Variants in SPATS2L observed in about 807,000 individuals in gnomAD.
SPATS2L encodes the protein SPATS2-like protein.
SPATS2L carries 30 observed loss-of-function variants against 59.6 expected under a neutral mutation model. The ratio of observed to expected loss-of-function variants is 0.50; its 90% confidence interval spans 0.38 to 0.68. SPATS2L has a LOEUF of 0.68. SPATS2L is among the 30% of genes least tolerant of loss of function. The probability of loss-of-function intolerance (pLI) is 0.00; values close to 1 mark genes in which losing one functional copy is unlikely to be tolerated. For missense variants in SPATS2L, 615 were observed against 700.0 expected, an observed-to-expected ratio of 0.88 and a Z score of 1.37; for synonymous variants, 252 against 263.5, an observed-to-expected ratio of 0.96 and a Z score of 0.42.
rs143951633 is a variant in SPATS2L at position 200,369,694 on chromosome 2, A to G, written c.-22-19529A>G. 2.0e-5 allele frequency among the ~76,000 whole-genome samples: 3 copies of G among 152,282 alleles called. No homozygotes were observed. The East Asian group carries it at 5.8e-4, about 29-fold the overall frequency. On this transcript the variant is annotated intron_variant, in intron 2 of 12. Coordinates refer to ENST00000409140, the MANE Select transcript of SPATS2L (RefSeq NM_001100423.2). Reference sequence around the variant, plus strand: ...CCAAAGACATAAAAAGCTGGTAAGAAACAATCCTACAGAAAATAATGGTGA... The same window carrying G: ...CCAAAGACATAAAAAGCTGGTAAGAGACAATCCTACAGAAAATAATGGTGA...
chr2:200,437,558 T>G (rs1215557173), intron 6 of SPATS2L, among the ~76,000 whole-genome samples: 1 of 152,204 alleles, frequency 6.6e-6, no homozygotes, highest in Non-Finnish European at 1.5e-5. Context: ...TCTACCTTAA[T>G]ATCACTAAGG....
At chr2:200,368,317 T>C (rs35417285) in intron 2 of SPATS2L, among the ~76,000 whole-genome samples, 51,940 of 152,058 alleles carry the variant, frequency 0.34, 9,644 homozygotes, top group Middle Eastern at 0.52. Context: ...ATATTGGGCA[T>C]TGGTATAATT....
chr2:200,379,688 G>T (rs2081733614), intron 2 of SPATS2L, among the ~76,000 whole-genome samples: 2 of 152,018 alleles, frequency 1.3e-5, no homozygotes, highest in Non-Finnish European at 2.9e-5. Context: ...CCAGCGGGTG[G>T]TGGGGGGGAT....
At chr2:200,366,126 T>C (rs2081261308) in intron 2 of SPATS2L, among the ~76,000 whole-genome samples, 1 of 152,194 alleles carries the variant, frequency 6.6e-6, no homozygotes, top group Non-Finnish European at 1.5e-5. Context: ...CATGAACATA[T>C]TGGGATTCTA....
rs139549853 is a variant in SPATS2L at position 200,401,005 on chromosome 2, G to A, written c.40-11306G>A. 6.5e-4 allele frequency among the ~76,000 whole-genome samples: 99 copies of A among 152,288 alleles called. No homozygotes were observed. The East Asian group carries it at 0.019, about 28-fold the overall frequency. ...TCCCCTTAAAACTGGGCAGACTTTTGTAGCTGGTTGATCAGTATAGTAGGA... is the reference window on the plus strand; with the variant it reads ...TCCCCTTAAAACTGGGCAGACTTTTATAGCTGGTTGATCAGTATAGTAGGA... On this transcript the variant is annotated intron_variant, in intron 3 of 12. Coordinates refer to ENST00000409140, the MANE Select transcript of SPATS2L (RefSeq NM_001100423.2).
chr2:200,382,237 G>A (rs2081841087), intron 2 of SPATS2L, among the ~76,000 whole-genome samples: 2 of 152,046 alleles, frequency 1.3e-5, no homozygotes, highest in South Asian at 4.1e-4. Flanking sequence ...ATCATGCCCA[G>A]CTAATTTTTG....
At chr2:200,346,037 G>C (rs1027407683) in intron 2 of SPATS2L, among the ~76,000 whole-genome samples, 1 of 152,170 alleles carries the variant, frequency 6.6e-6, no homozygotes, top group Non-Finnish European at 1.5e-5. Context: ...TACAAACCCT[G>C]GACCTGGTTT....
intron 1 of SPATS2L, among the ~76,000 whole-genome samples, chr2:200,327,617 A>G (rs2079796153): frequency 6.6e-6 from 1 of 152,230 alleles, no homozygotes; most frequent in Non-Finnish European, 1.5e-5. Flanking sequence ...TGCTTTGTCA[A>G]CACAACAATG....
At chr2:200,458,717 G>A (rs1034881455) in intron 8 of SPATS2L, among the ~76,000 whole-genome samples, 2 of 143,372 alleles carry the variant, frequency 1.4e-5, no homozygotes, top group African/African-American at 2.5e-5. Flanking sequence ...TTTAGATCCT[G>A]GTTTTAACAC....
chr2:200,335,417 G>A lies in SPATS2L; in HGVS notation c.-23+5937G>A, dbSNP rs565955830. Among the ~76,000 whole-genome samples, 12 of 151,992 alleles carry A rather than the reference G, an allele frequency of 7.9e-5. No homozygotes were observed. In the South Asian group the frequency reaches 2.5e-3, roughly 32 times the overall value. On this transcript the variant is annotated intron_variant, in intron 2 of 12. Transcript: ENST00000409140. ...AGAAAAAAAAAAGAAGATAGTGCTT[G>A]CCTCTAAGACAGGAAAGAGAAAGGA... is the stretch of plus-strand genomic sequence containing the variant.
intron 11 of SPATS2L, among the ~76,000 whole-genome samples, chr2:200,470,734 A>C (rs1482953475): frequency 7.9e-5 from 12 of 152,226 alleles, no homozygotes; most frequent in Admixed American, 7.9e-4. Context: ...ACTTCCTATT[A>C]TGATAGAATT....
At chr2:200,357,464 A>T (rs905862214) in intron 2 of SPATS2L, among the ~76,000 whole-genome samples, 4 of 152,248 alleles carry the variant, frequency 2.6e-5, no homozygotes, top group African/African-American at 9.6e-5. Context: ...GGAGACAGGT[A>T]GGTGGTTACA....
At chr2:200,401,552 G>A (rs572757900) in intron 3 of SPATS2L, among the ~76,000 whole-genome samples, 2 of 152,296 alleles carry the variant, frequency 1.3e-5, no homozygotes, top group East Asian at 3.9e-4. Flanking sequence ...TCAGGTAAAT[G>A]AGTTGACAGG....
intron 2 of SPATS2L, among the ~76,000 whole-genome samples, chr2:200,349,667 A>C (rs943419030): frequency 6.6e-6 from 1 of 152,164 alleles, no homozygotes; most frequent in African/African-American, 2.4e-5. Context: ...AGACACAGGC[A>C]AGAGTGAAAT....
intron 3 of SPATS2L, among the ~76,000 whole-genome samples, chr2:200,410,955 A>G (rs531740077): frequency 6.6e-6 from 1 of 151,526 alleles, no homozygotes; most frequent in South Asian, 2.1e-4. Flanking sequence ...CAGAAAAACT[A>G]AGAACAATGA....
At chr2:200,388,911 TTCTC>T (rs916729899) in intron 2 of SPATS2L, among the ~76,000 whole-genome samples, 9 of 152,182 alleles carry the variant, frequency 5.9e-5, no homozygotes, top group East Asian at 3.9e-4. Context: ...ACGGTTTCCC[TTCTC>T]TCTATTTTTG....
intron 3 of SPATS2L, among the ~76,000 whole-genome samples, chr2:200,397,358 C>T (rs565511605): frequency 3.9e-5 from 6 of 152,160 alleles, no homozygotes; most frequent in South Asian, 2.1e-4. Flanking sequence ...CATGATCCTT[C>T]GTATTAAATT....
At chr2:200,432,397 A>C (rs1273643516) in intron 6 of SPATS2L, among the ~76,000 whole-genome samples, 3 of 152,210 alleles carry the variant, frequency 2.0e-5, no homozygotes, top group African/African-American at 7.2e-5. Flanking sequence ...ACAGTGCACT[A>C]TCCCCTTATC....
Position 200,477,902 on chromosome 2 carries a change from C to T in SPATS2L, c.1548C>T (p.Asp516=). 1.2e-6 allele frequency: 2 copies of T among 1,611,874 alleles called. No homozygotes were observed. The highest frequency in any genetic ancestry group is 8.5e-7 in the Non-Finnish European group (1 of 1,179,246). ...CCCGGCGAAGGCAGCACGCTGCAGACACCTCGGAGGCCAGGCCCTTCCGGG... is the reference window on the plus strand; with the variant it reads ...CCCGGCGAAGGCAGCACGCTGCAGATACCTCGGAGGCCAGGCCCTTCCGGG... ...EKPRRRQHAA[D]TSEARPFRGS... Residue 516 remains aspartate, a synonymous_variant, in exon 13 of 13, where the codon GAC becomes GAT. Transcript: ENST00000409140.
Sources: gnomAD v4.1 joint callset for allele counts (sites outside exome capture counted in the v4.1 genomes callset) on GRCh38, gnomAD v4.1.1 for gene constraint, MANE v1.5 for transcripts, NCBI Gene and HGNC (gene_info 2026-07-23, HGNC 2026-07-21) for gene names.